Variants in XKR4 observed in about 807,000 individuals in gnomAD.
The protein encoded by XKR4 is XK related 4.
In XKR4, 12 loss-of-function variants were observed where a neutral mutation model predicts 53.9. The ratio of observed to expected loss-of-function variants is 0.22; its 90% CI spans 0.14 to 0.36. The LOEUF (loss-of-function observed/expected upper bound fraction) is 0.36, where lower values mean the gene tolerates loss of function less well. XKR4 is among the 10% of genes least tolerant of loss of function. The probability of loss-of-function intolerance (pLI) is 1.00; values close to 1 mark genes in which losing one functional copy is unlikely to be tolerated. For synonymous variants in XKR4, 354 were observed against 362.4 expected, an observed-to-expected ratio of 0.98 and a Z score of 0.26; for missense variants, 799 against 859.5, an observed-to-expected ratio of 0.93 and a Z score of 0.88.
At chr8:55,233,596 C>T (rs1484863139) in intron 1 of XKR4, among the ~76,000 whole-genome samples, 1 of 152,250 alleles carries the variant, frequency 6.6e-6, no homozygotes, top group East Asian at 1.9e-4. Context: ...TGAGGCCTGC[C>T]ACACTGAGGT....
Position 55,102,898 on chromosome 8 carries a change from A to G in XKR4, c.410A>G (p.Tyr137Cys). ...GACGTCTGGCTCGCCGTGGACTACT[A>G]CCTGCGCGGCCAGCGCTGGTGGTTC... ...GTDVWLAVDY[Y>C]LRGQRWWFGL... Residue 137 changes from tyrosine (Y) to cysteine (C), a missense_variant, in exon 1 of 3, where the codon TAC becomes TGC. Physicochemically the swap from Tyr to Cys is radical, Grantham distance 194. Around this residue, in one of 3 missense-constraint regions of XKR4, gnomAD observed 476 missense variants for 505.4 expected, o/e 0.94. Coordinates refer to ENST00000327381, the MANE Select transcript of XKR4 (RefSeq NM_052898.2). This position sits in a 1 kb window ranked among gnomAD's most constrained non-coding sequence, Gnocchi z 5.1. 6.2e-7 allele frequency: 1 copy of G among 1,612,106 alleles called. No individual in the cohort carries two copies. The highest frequency in any genetic ancestry group is 8.5e-7 in the Non-Finnish European group (1 of 1,179,924).
At chr8:55,228,700 C>A in intron 1 of XKR4, among the ~76,000 whole-genome samples, 1 of 152,192 alleles carries the variant, frequency 6.6e-6, no homozygotes, top group East Asian at 1.9e-4. Context: ...AGGAGGCAAT[C>A]TACTGCTGGC....
chr8:55,454,980 A>C, intron 2 of XKR4: 1 of 858,310 alleles, frequency 1.2e-6, no homozygotes, highest in South Asian at 1.4e-5. Flanking sequence ...CTCTCGGGAC[A>C]CATCTGCCAC....
Position 55,103,019 on chromosome 8 carries a change from C to G in XKR4, c.531C>G (p.Ala177=), listed in dbSNP as rs1585878746. 1 of 1,612,432 alleles carries G rather than the reference C, an allele frequency of 6.2e-7. No homozygotes were observed. Among genetic ancestry groups the G allele is most frequent in the Non-Finnish European group, 8.5e-7 (1 of 1,179,786 alleles). Residue 177 remains alanine (A), a synonymous_variant, in exon 1 of 3, where the codon GCC becomes GCG. Coordinates refer to ENST00000327381, the MANE Select transcript of XKR4 (RefSeq NM_052898.2). ...ACGATTTCAGCACCGAGGACAGCGC[C>G]ACGGCCGCTGCTGCCTCCAGCTGCC... is the stretch of plus-strand genomic sequence containing the variant. ...FVHDFSTEDS[A]TAAAASSCPQ... is the part of the protein sequence containing the mutation.
intron 2 of XKR4, among the ~76,000 whole-genome samples, chr8:55,419,341 C>T (rs1804893173): frequency 1.3e-5 from 2 of 152,146 alleles, no homozygotes; most frequent in South Asian, 4.1e-4. Context: ...GCCAAGATCA[C>T]ACCATTGCAC....
At chr8:55,118,828 T>C (rs575139134) in intron 1 of XKR4, among the ~76,000 whole-genome samples, 1 of 152,328 alleles carries the variant, frequency 6.6e-6, no homozygotes, top group East Asian at 1.9e-4. Flanking sequence ...GTATGTTTTT[T>C]TTTGGAGAGA....
At chr8:55,235,954 G>A (rs1206640929) in intron 1 of XKR4, among the ~76,000 whole-genome samples, 1 of 152,158 alleles carries the variant, frequency 6.6e-6, no homozygotes, top group Non-Finnish European at 1.5e-5. Context: ...AGCCAGCTCA[G>A]GCCTCTCTGC....
In XKR4 at chr8:55,449,744, A is replaced by G. The variant is rs1805402212; in HGVS notation, c.1007-73537A>G. 12 of 976,250 alleles carry G rather than the reference A, an allele frequency of 1.2e-5. No homozygotes were observed. The South Asian group carries it at 1.5e-4, about 12-fold the overall frequency. The allele number at this position is 976,250 out of a possible 1,614,324, so 60.5% of individuals were successfully genotyped here. On this transcript the variant is annotated intron_variant, in intron 2 of 2. Coordinates refer to ENST00000327381, the MANE Select transcript of XKR4 (RefSeq NM_052898.2). ...GTCCACACGGTGGTCGTAGTAGCGT[A>G]GCTGGTGCTTGGTCTTGTCTAACAT...
At chr8:55,399,355 T>G (rs1804566497) in intron 2 of XKR4, among the ~76,000 whole-genome samples, 1 of 152,192 alleles carries the variant, frequency 6.6e-6, no homozygotes. Context: ...TACCAACACT[T>G]ACAGTCACTC....
intron 1 of XKR4, among the ~76,000 whole-genome samples, chr8:55,316,074 A>G (rs923421216): frequency 1.6e-4 from 24 of 152,246 alleles, no homozygotes; most frequent in African/African-American, 5.3e-4. Context: ...TCAAAATTCA[A>G]ATGAATGGAG....
Position 55,536,306 on chromosome 8 carries a change from A to G in XKR4, c.*12079A>G, listed in dbSNP as rs1807031660. ...ACCACTGGACCATTGATAGCCCTCA[A>G]GCTCTGATTCTTCCTCCTGACTAAG... On this transcript the variant is annotated 3_prime_UTR_variant, in exon 3 of 3. Coordinates refer to ENST00000327381, the MANE Select transcript of XKR4 (RefSeq NM_052898.2). The G allele has an allele frequency of 6.6e-6, 1 of 152,250 alleles. No individual in the cohort carries two copies. The highest frequency in any genetic ancestry group is 1.5e-5 in the Non-Finnish European group (1 of 68,032). 9.4% of individuals were successfully genotyped at this position (152,250 alleles called of 1,614,324 possible).
chr8:55,329,949 G>C (rs1487741734), intron 1 of XKR4, among the ~76,000 whole-genome samples: 1 of 151,968 alleles, frequency 6.6e-6, no homozygotes, highest in Non-Finnish European at 1.5e-5. Flanking sequence ...CAAGCTTCAG[G>C]CTCCATATGG....
At chr8:55,370,283 A>G (rs960964617) in intron 2 of XKR4, among the ~76,000 whole-genome samples, 2 of 152,208 alleles carry the variant, frequency 1.3e-5, no homozygotes, top group Non-Finnish European at 2.9e-5. Flanking sequence ...TGAGGTCAAT[A>G]AAGGTGACAA....
Position 55,102,984 on chromosome 8 carries a change from T to C in XKR4, c.496T>C (p.Trp166Arg). The C allele has an allele frequency of 6.2e-7, 1 of 1,612,012 alleles. No individual in the cohort carries two copies. Among genetic ancestry groups the C allele is most frequent in the Non-Finnish European group, 8.5e-7 (1 of 1,179,874 alleles). Residue 166 changes from tryptophan (W) to arginine (R), a missense_variant, in exon 1 of 3, where the codon TGG becomes CGG. Physicochemically the swap from Trp to Arg is moderately radical, Grantham distance 101. Coordinates refer to ENST00000327381, the MANE Select transcript of XKR4 (RefSeq NM_052898.2). The surrounding 1 kb of genome is among the most constrained non-coding windows in gnomAD (Gnocchi z 5.1). ...GTCGGTGCAAGTGTTCAGCTTCCGCTGGTTTGTGCACGATTTCAGCACCGA... is the reference window on the plus strand; with the variant it reads ...GTCGGTGCAAGTGTTCAGCTTCCGCCGGTTTGTGCACGATTTCAGCACCGA... ...SLSVQVFSFRWFVHDFSTEDS... is the reference protein window; with the variant it reads ...SLSVQVFSFRRFVHDFSTEDS...
chr8:55,527,048 G>C lies in XKR4; in HGVS notation c.*2821G>C, dbSNP rs1446573108. ...AAAAGATTACAAGAGCAAAACAAGA[G>C]ATAAATCATGATTTAGCCTTGCTTC... On this transcript the variant is annotated 3_prime_UTR_variant, in exon 3 of 3. Coordinates refer to ENST00000327381, the MANE Select transcript of XKR4 (RefSeq NM_052898.2). 1 of 152,156 alleles carries C rather than the reference G, an allele frequency of 6.6e-6. No homozygotes were observed. The highest frequency in any genetic ancestry group is 1.5e-5 in the Non-Finnish European group (1 of 68,016). The allele number at this position is 152,156 out of a possible 1,614,324, so 9.4% of individuals were successfully genotyped here.
intron 2 of XKR4, among the ~76,000 whole-genome samples, chr8:55,419,952 A>T (rs1326874142): frequency 1.3e-5 from 2 of 152,246 alleles, no homozygotes; most frequent in Non-Finnish European, 2.9e-5. Context: ...ACAATGATAA[A>T]AGGACTTTGA....
At chr8:55,359,953 G>C (rs578049070) in intron 2 of XKR4, among the ~76,000 whole-genome samples, 1 of 152,042 alleles carries the variant, frequency 6.6e-6, no homozygotes, top group Non-Finnish European at 1.5e-5. Context: ...ACACATATAC[G>C]TCAGGTGTAC....
intron 2 of XKR4, among the ~76,000 whole-genome samples, chr8:55,476,218 T>C (rs1303585942): frequency 6.6e-6 from 1 of 152,008 alleles, no homozygotes; most frequent in East Asian, 1.9e-4. Context: ...TGAGGCCCAC[T>C]GCCTAATGCA....
At chr8:55,188,539 C>T (rs1293116871) in intron 1 of XKR4, among the ~76,000 whole-genome samples, 2 of 152,188 alleles carry the variant, frequency 1.3e-5, no homozygotes, top group African/African-American at 2.4e-5. Context: ...CTCGTGCATC[C>T]TCTTAAGTTT....
Sources: allele counts gnomAD v4.1 joint callset (sites outside exome capture counted in the v4.1 genomes callset), GRCh38; gene constraint gnomAD v4.1.1; regional missense constraint gnomAD v4.1.1; non-coding constraint Gnocchi (gnomAD v3.1); transcripts MANE v1.5; gene names NCBI Gene and HGNC (gene_info 2026-07-23, HGNC 2026-07-21).